SULF1: variants seen among roughly 807,000 people sequenced by gnomAD.
SULF1 encodes extracellular sulfatase Sulf-1.
In SULF1, 46 loss-of-function variants were observed where a neutral mutation model predicts 110.5. That is an observed-to-expected ratio of 0.42 (90% CI 0.33 to 0.53). The LOEUF is 0.53. Among genes scored for constraint, SULF1 ranks in the 20% least tolerant of loss-of-function variants. The probability of loss-of-function intolerance (pLI) is 0.12; values close to 1 mark genes in which losing one functional copy is unlikely to be tolerated. For synonymous variants in SULF1, 371 were observed against 387.1 expected (o/e 0.96, Z 0.49); for missense variants, 941 against 1,094.2 (o/e 0.86, Z 1.98).
intron 3 of SULF1, among the ~76,000 whole-genome samples, chr8:69,513,570 G>C (rs950718720): frequency 1.3e-5 from 2 of 152,226 alleles, no homozygotes; most frequent in African/African-American, 4.8e-5. Flanking sequence ...AAGCCTAATG[G>C]TACAATCATT....
Position 69,638,962 on chromosome 8 carries a change from A to G in SULF1, c.2551+104A>G, listed in dbSNP as rs1319951485. On this transcript the variant is annotated intron_variant, in intron 21 of 22. Coordinates refer to ENST00000402687, the MANE Select transcript of SULF1 (RefSeq NM_001128205.2). ...TAATTGCACAGAAACATATAATTCA[A>G]GATACTTAGAGGAGACACTTTCCAG... The G allele has an allele frequency of 3.4e-6, 4 of 1,162,036 alleles. No homozygotes were observed. In the East Asian group the frequency reaches 7.7e-5, roughly 22 times the overall value. The allele number at this position is 1,162,036 out of a possible 1,614,324, so 72.0% of individuals were successfully genotyped here. A position where few individuals can be genotyped will look rare whatever the true frequency, so the allele number is the denominator to read the frequency against.
intron 19 of SULF1, among the ~76,000 whole-genome samples, chr8:69,636,804 G>A (rs1162329152): frequency 6.6e-6 from 1 of 152,104 alleles, no homozygotes. Flanking sequence ...GACCGATGCC[G>A]GCTGCAGACA....
intron 3 of SULF1, among the ~76,000 whole-genome samples, chr8:69,548,448 C>CT (rs11420223): frequency 0.1 from 14,089 of 138,706 alleles, 946 homozygotes; most frequent in East Asian, 0.29. Context: ...TGGATGTTAA[C>CT]TTTTTTTTTT....
chr8:69,483,886 CA>C (rs1484607583), intron 1 of SULF1, among the ~76,000 whole-genome samples: 1 of 152,184 alleles, frequency 6.6e-6, no homozygotes, highest in African/African-American at 2.4e-5. Context: ...GTAACAATAA[CA>C]GCTAAGATTT....
intron 13 of SULF1, among the ~76,000 whole-genome samples, chr8:69,605,544 A>G (rs1256797406): frequency 6.6e-6 from 1 of 152,226 alleles, no homozygotes; most frequent in African/African-American, 2.4e-5. Flanking sequence ...AATACCAGTT[A>G]TTATCAGTAA....
chr8:69,556,842 G>A (rs1815148490), intron 3 of SULF1, among the ~76,000 whole-genome samples: 1 of 152,098 alleles, frequency 6.6e-6, no homozygotes, highest in Admixed American at 6.5e-5. Flanking sequence ...ATGGTGGCTT[G>A]CTGCACATGT....
At chr8:69,618,226 C>A (rs1395866936) in intron 13 of SULF1, among the ~76,000 whole-genome samples, 1 of 152,158 alleles carries the variant, frequency 6.6e-6, no homozygotes, top group Non-Finnish European at 1.5e-5. Flanking sequence ...GTTTGTGTTG[C>A]CTTTTTGTGG....
At chr8:69,587,788 A>G (rs1179283221) in intron 7 of SULF1, among the ~76,000 whole-genome samples, 1 of 152,240 alleles carries the variant, frequency 6.6e-6, no homozygotes, top group Non-Finnish European at 1.5e-5. Flanking sequence ...AAAGAGAGCA[A>G]AGTAATCAAG....
At chr8:69,620,939 T>A in intron 13 of SULF1, 96 bp from the exon 14 acceptor site, 1 of 1,056,072 alleles carries the variant, frequency 9.5e-7, no homozygotes. Context: ...CCAGTGCTTC[T>A]AAAAAAAAGA....
chr8:69,624,202 G>C lies in SULF1; in HGVS notation c.1850+5G>C. 1.9e-6 allele frequency: 3 copies of C among 1,563,148 alleles called. No individual in the cohort carries two copies. The highest frequency in any genetic ancestry group is 2.6e-6 in the Non-Finnish European group (3 of 1,154,130). ...CACTGTCCGAGTGACACACAAGTAA[G>C]AAAGCTTTATTTGTTCACTAGGGTT... On this transcript the variant is annotated splice_donor_5th_base_variant and intron_variant, in intron 15 of 22. Coordinates refer to ENST00000402687, the MANE Select transcript of SULF1 (RefSeq NM_001128205.2).
chr8:69,563,354 T>C (rs1156944995), intron 3 of SULF1, 185 bp from the exon 4 acceptor site: 1 of 152,320 alleles, frequency 6.6e-6, no homozygotes, highest in East Asian at 1.9e-4. Flanking sequence ...AGATAGCATT[T>C]GAATCATTTG....
chr8:69,631,627 C>T (rs1177910337), intron 19 of SULF1, among the ~76,000 whole-genome samples: 1 of 152,250 alleles, frequency 6.6e-6, no homozygotes, highest in East Asian at 1.9e-4. Flanking sequence ...TCCAATCTTA[C>T]ACTGGGACCA....
At chr8:69,490,312 A>G (rs1809881714), upstream of SULF1, among the ~76,000 whole-genome samples, 1 of 152,018 alleles carries the variant, frequency 6.6e-6, no homozygotes, top group Admixed American at 6.6e-5. Flanking sequence ...CATGTTGCCC[A>G]TGCTAGTCTC....
At chr8:69,531,512 A>G (rs1813080698) in intron 3 of SULF1, among the ~76,000 whole-genome samples, 1 of 152,078 alleles carries the variant, frequency 6.6e-6, no homozygotes, top group Admixed American at 6.5e-5. Context: ...AAAATAAATC[A>G]TTTCGAATTT....
At chr8:69,497,609 T>C (rs1201688815) in intron 2 of SULF1, among the ~76,000 whole-genome samples, 1 of 152,244 alleles carries the variant, frequency 6.6e-6, no homozygotes. Context: ...TTTAAAAATA[T>C]CAGTTACTGT....
At chr8:69,478,141 C>CT (rs1809379947) in intron 1 of SULF1, among the ~76,000 whole-genome samples, 1 of 152,172 alleles carries the variant, frequency 6.6e-6, no homozygotes, top group Non-Finnish European at 1.5e-5. Context: ...GTGCAAGCCA[C>CT]TGTACCCAGC....
At chr8:69,551,154 G>C (rs1246578127) in intron 3 of SULF1, among the ~76,000 whole-genome samples, 1 of 152,230 alleles carries the variant, frequency 6.6e-6, no homozygotes, top group African/African-American at 2.4e-5. Flanking sequence ...AACTGAGTCA[G>C]GGCTTTATGA....
At chr8:69,498,603 G>A (rs1183217866) in intron 2 of SULF1, among the ~76,000 whole-genome samples, 1 of 152,162 alleles carries the variant, frequency 6.6e-6, no homozygotes, top group Non-Finnish European at 1.5e-5. Context: ...CACACTATGT[G>A]GCACAGGTTT....
chr8:69,508,625 G>T (rs573499397), intron 3 of SULF1, among the ~76,000 whole-genome samples: 2 of 152,282 alleles, frequency 1.3e-5, no homozygotes, highest in African/African-American at 2.4e-5. Context: ...AAGCAAATAA[G>T]TGAGTCCTGG....
Sources: allele counts gnomAD v4.1 joint callset (sites outside exome capture counted in the v4.1 genomes callset), GRCh38; gene constraint gnomAD v4.1.1; transcripts MANE v1.5; gene names NCBI Gene and HGNC (gene_info 2026-07-23, HGNC 2026-07-21).